The following VWA5A variants were observed in gnomAD, a reference collection of about 807,000 sequenced individuals.
The protein encoded by VWA5A is von Willebrand factor A domain-containing protein 5A.
A neutral mutation model predicts 84.6 loss-of-function variants in VWA5A; 77 were observed. The ratio of observed to expected loss-of-function variants is 0.91; its 90% CI spans 0.76 to 1.10. The LOEUF (loss-of-function observed/expected upper bound fraction) is 1.10. Ranked by LOEUF, VWA5A falls within the 50% of genes least tolerant of loss-of-function variation. The pLI is 0.00. For synonymous variants in VWA5A, 334 were observed against 350.1 expected, an observed-to-expected ratio of 0.95 and a Z score of 0.51; for missense variants, 973 against 963.0, an observed-to-expected ratio of 1.01 and a Z score of -0.14.
intron 17 of VWA5A, among the ~76,000 whole-genome samples, chr11:124,144,135 G>T (rs990597902): frequency 2.6e-5 from 4 of 151,760 alleles, no homozygotes; most frequent in African/African-American, 9.7e-5. Context: ...TCAGTCAAAA[G>T]AATCAGGATC....
intron 17 of VWA5A, among the ~76,000 whole-genome samples, chr11:124,144,890 A>G (rs1860790293): frequency 6.6e-6 from 1 of 152,136 alleles, no homozygotes; most frequent in East Asian, 1.9e-4. Context: ...GGGGGGGTAT[A>G]AGGGTTACAA....
Position 124,142,521 on chromosome 11 carries a change from C to T in VWA5A, c.2103C>T (p.Ala701=). Residue 701 remains alanine, a synonymous_variant, in exon 17 of 19, where the codon GCC becomes GCT. Transcript: ENST00000456829. Reference sequence around the variant, plus strand: ...CCTGGGATCTGAATGAAGATCTAGCCAAGATCCTAGGTATGAGTTTGGAAG... The same window carrying T: ...CCTGGGATCTGAATGAAGATCTAGCTAAGATCCTAGGTATGAGTTTGGAAG... ...NGSWDLNEDL[A]KILGMSLEEI... The T allele has an allele frequency of 6.2e-7, 1 of 1,614,100 alleles. No homozygotes were observed. The highest frequency in any genetic ancestry group is 8.5e-7 in the Non-Finnish European group (1 of 1,180,034).
chr11:124,122,890 C>A, intron 7 of VWA5A, 70 bp from the exon 8 acceptor site: 1 of 1,449,322 alleles, frequency 6.9e-7, no homozygotes, highest in Non-Finnish European at 9.4e-7. Flanking sequence ...AATTCACTAC[C>A]ATTGATTCTT....
chr11:124,141,530 T>C (rs1860727203), intron 15 of VWA5A, 68 bp from the exon 16 acceptor site: 1 of 1,580,470 alleles, frequency 6.3e-7, no homozygotes, highest in East Asian at 2.2e-5. Context: ...GTATCTTGAA[T>C]TGTCACAGTC....
chr11:124,137,048 G>T lies in VWA5A; in HGVS notation c.1659G>T (p.Leu553Phe), dbSNP rs1010621950. The change falls in exon 15 of 19, where the codon TTG becomes TTT. Residue 553 changes from leucine to phenylalanine, a missense_variant. By Grantham distance (22) the Leu-to-Phe change is conservative (BLOSUM62 0). Coordinates refer to ENST00000456829, the MANE Select transcript of VWA5A (RefSeq NM_001130142.2). The stretch of plus-strand genomic sequence containing the variant: ...TTCACCGCCTTGCTGCCAAGTCCTT[G>T]CTCCAGACCAAGGACATGGGCCTCA... ...LTIHRLAAKS[L>F]LQTKDMGLRE... is the part of the protein sequence containing the mutation. 2.4e-5 allele frequency: 38 copies of T among 1,610,050 alleles called. No homozygotes were observed. Among genetic ancestry groups the T allele is most frequent in the Non-Finnish European group, 3.2e-5 (38 of 1,179,240 alleles).
In VWA5A at chr11:124,117,800, A is replaced by T. The variant is rs1381350763; in HGVS notation, c.171A>T (p.Glu57Asp). 6.2e-7 allele frequency: 1 copy of T among 1,614,206 alleles called. No individual in the cohort carries two copies. Residue 57 changes from glutamate to aspartate, a missense_variant, in exon 4 of 19, where the codon GAA (glutamate) becomes GAT (aspartate). Glu to Asp is a conservative substitution (Grantham distance 45, BLOSUM62 2). Transcript: ENST00000456829. ...LEAFFVFPMD[E>D]DSAVYSFEAL... ...CCTTCTTTGTGTTCCCCATGGATGA[A>T]GACTCTGCTGTTTACAGCTTTGAGG...
intron 4 of VWA5A, 36 bp downstream of exon 4, chr11:124,117,911 A>T: frequency 6.2e-7 from 1 of 1,607,104 alleles, no homozygotes; most frequent in South Asian, 1.1e-5. Flanking sequence ...TTATTACATT[A>T]CCTCCTCCCT....
At chr11:124,126,696 T>C (rs960346236) in intron 11 of VWA5A, among the ~76,000 whole-genome samples, 1 of 151,394 alleles carries the variant, frequency 6.6e-6, no homozygotes, top group South Asian at 2.1e-4. Context: ...GAGGCAGAGG[T>C]TGCAGTGAGC....
In VWA5A at chr11:124,141,640, C is replaced by T; in HGVS notation, c.1922C>T (p.Ser641Phe). 1 of 1,614,124 alleles carries T rather than the reference C, an allele frequency of 6.2e-7. No individual in the cohort carries two copies. The highest frequency in any genetic ancestry group is 8.5e-7 in the Non-Finnish European group (1 of 1,180,020). ...CACTCTGACCGTCCTCCTTCTGCAT[C>T]TCAGCCCAGAGGGGAACTTATGTGT... ...ALHSDRPPSASQPRGELMCYK... is the reference protein window; with the variant it reads ...ALHSDRPPSAFQPRGELMCYK... Residue 641 changes from serine to phenylalanine, a missense_variant, in exon 16 of 19, where the codon TCT becomes TTT. Physicochemically the swap from Ser to Phe is radical, Grantham distance 155. Coordinates refer to ENST00000456829, the MANE Select transcript of VWA5A (RefSeq NM_001130142.2).
At chr11:124,118,050 A>T (rs1864863909) in intron 4 of VWA5A, 139 bp from the exon 5 acceptor site, 1 of 1,287,440 alleles carries the variant, frequency 7.8e-7, no homozygotes, top group East Asian at 2.5e-5. Context: ...TGGGGAAAGA[A>T]ATCAATCAGA....
chr11:124,144,545 C>G (rs544173244), intron 17 of VWA5A, among the ~76,000 whole-genome samples: 1 of 152,300 alleles, frequency 6.6e-6, no homozygotes, highest in African/African-American at 2.4e-5. Context: ...GAATTCTAAT[C>G]TGAAATAAGA....
At chr11:124,129,501 G>T (rs1865066600) in intron 11 of VWA5A, among the ~76,000 whole-genome samples, 1 of 152,166 alleles carries the variant, frequency 6.6e-6, no homozygotes, top group Non-Finnish European at 1.5e-5. Context: ...CATAAAATGA[G>T]TTAGGGAGGA....
At chr11:124,117,295 C>A (rs1864846536) in intron 2 of VWA5A, 7 of 608,312 alleles carry the variant, frequency 1.2e-5, no homozygotes, top group Non-Finnish European at 2.0e-5. Flanking sequence ...GTGAATCTTA[C>A]ACCTTCCCCA....
intron 9 of VWA5A, 25 bp downstream of exon 9, chr11:124,123,479 G>A: frequency 6.2e-7 from 1 of 1,611,430 alleles, no homozygotes; most frequent in Non-Finnish European, 8.5e-7. Flanking sequence ...AGACAATAGG[G>A]AGTACAAAAC....
At position 124,117,713 on chromosome 11, in the gene VWA5A, G is replaced by A; in HGVS notation, c.84G>A (p.Glu28=). Residue 28 remains glutamate (E), a synonymous_variant, in exon 4 of 19, where the codon GAG becomes GAA. Transcript: ENST00000456829. ...TCTCTGTGAGCGTGAACATTTACGAGTTTGTGGCTGGTGTGTCTGCAACTT... is the reference window on the plus strand; with the variant it reads ...TCTCTGTGAGCGTGAACATTTACGAATTTGTGGCTGGTGTGTCTGCAACTT... ...KSISVSVNIY[E]FVAGVSATLN... is the part of the protein sequence containing the mutation. 6.2e-7 allele frequency: 1 copy of A among 1,614,166 alleles called. No individual in the cohort carries two copies. The highest frequency in any genetic ancestry group is 1.1e-5 in the South Asian group (1 of 91,084).
chr11:124,135,635 A>T (rs576457997), intron 12 of VWA5A, among the ~76,000 whole-genome samples: 12 of 134,028 alleles, frequency 9.0e-5, no homozygotes, highest in Non-Finnish European at 1.7e-4. Context: ...GGTTCACGCC[A>T]TTCTCCTGCC....
chr11:124,118,094 C>G, intron 4 of VWA5A, 95 bp from the exon 5 acceptor site: 5 of 1,359,880 alleles, frequency 3.7e-6, no homozygotes, highest in Non-Finnish European at 5.0e-6. Flanking sequence ...TAGACAAGAC[C>G]AATCACACAG....
Position 124,136,121 on chromosome 11 carries a change from C to T in VWA5A, c.1360-8C>T, listed in dbSNP as rs2276055. ...TTTGTGTTTATTCTGTTCTCTTCCC[C>T]ACATTAGGCTCTCAGGACTCTGAAA... On this transcript the variant is annotated splice_region_variant and splice_polypyrimidine_tract_variant and intron_variant, in intron 12 of 18. Transcript: ENST00000456829. The T allele has an allele frequency of 4.1e-4, 662 of 1,612,912 alleles. 5 individuals are homozygous for T. In the East Asian group the frequency reaches 0.014, roughly 34 times the overall value.
chr11:124,143,522 A>G (rs1481463911), intron 17 of VWA5A, among the ~76,000 whole-genome samples: 2 of 152,212 alleles, frequency 1.3e-5, no homozygotes. Context: ...GGAAATACAT[A>G]CTAATTGCAA....
Sources: allele counts gnomAD v4.1 joint callset (sites outside exome capture counted in the v4.1 genomes callset), GRCh38; gene constraint gnomAD v4.1.1; transcripts MANE v1.5; gene names NCBI Gene and HGNC (gene_info 2026-07-23, HGNC 2026-07-21).